The following ANO4 variants were observed in gnomAD, a reference collection of about 807,000 sequenced individuals.
The protein encoded by ANO4 is anoctamin-4.
Under a neutral mutation model 141.9 loss-of-function variants are expected in ANO4, and 69 were observed. That is an observed-to-expected ratio of 0.49 (90% CI 0.40 to 0.59). The LOEUF (loss-of-function observed/expected upper bound fraction) is 0.59, where lower values mean the gene tolerates loss of function less well. Ranked by LOEUF, ANO4 falls within the 20% of genes least tolerant of loss-of-function variation. The pLI is 0.00. For missense variants in ANO4, 894 were observed against 1,162.2 expected (o/e 0.77, Z 3.36); for synonymous variants, 350 against 394.3 (o/e 0.89, Z 1.33).
chr12:101,073,388 C>T (rs527443875), intron 14 of ANO4, among the ~76,000 whole-genome samples: 1 of 152,114 alleles, frequency 6.6e-6, no homozygotes, highest in East Asian at 1.9e-4. Flanking sequence ...CACTTGGACA[C>T]AGAGCAGGGA....
intron 18 of ANO4, 85 bp from the exon 19 acceptor site, chr12:101,096,451 C>A: frequency 9.0e-7 from 1 of 1,108,680 alleles, no homozygotes; most frequent in Non-Finnish European, 1.4e-6. Context: ...TGCGTCCCCA[C>A]CCTGTGTGTG....
At chr12:100,763,807 T>G (rs2032972189) in intron 3 of ANO4, among the ~76,000 whole-genome samples, 1 of 152,228 alleles carries the variant, frequency 6.6e-6, no homozygotes, top group Non-Finnish European at 1.5e-5. Context: ...CATGTTGGGT[T>G]TTGTGTTATG....
intron 14 of ANO4, among the ~76,000 whole-genome samples, chr12:101,056,775 A>G (rs1169275444): frequency 1.3e-5 from 2 of 151,706 alleles, no homozygotes; most frequent in Non-Finnish European, 2.9e-5. Flanking sequence ...TTAGGAACTG[A>G]GGGTTTTAAA....
Position 101,086,649 on chromosome 12 carries a change from C to T in ANO4, c.1537-11C>T, listed in dbSNP as rs765958415. 1.4e-4 allele frequency: 227 copies of T among 1,613,024 alleles called. No individual in the cohort carries two copies. The highest frequency in any genetic ancestry group is 1.1e-4 in the Non-Finnish European group (128 of 1,179,638). Reference sequence around the variant, plus strand: ...CCAAGAGGTTCACCGGGTGTCTTGTCTTCCTGCCAGATCTGCGTGGTGATT... The same window carrying T: ...CCAAGAGGTTCACCGGGTGTCTTGTTTTCCTGCCAGATCTGCGTGGTGATT... On this transcript the variant is annotated splice_polypyrimidine_tract_variant and intron_variant, in intron 16 of 27. Coordinates refer to ENST00000392977, the MANE Select transcript of ANO4 (RefSeq NM_001286615.2).
chr12:101,107,550 C>CGAAG (rs2050498523), intron 22 of ANO4, among the ~76,000 whole-genome samples: 1 of 151,520 alleles, frequency 6.6e-6, no homozygotes, highest in South Asian at 2.1e-4. Context: ...CATAGCAACA[C>CGAAG]TGCATATATG....
chr12:100,879,529 T>G (rs1375410154), intron 1 of ANO4, among the ~76,000 whole-genome samples: 1 of 152,182 alleles, frequency 6.6e-6, no homozygotes, highest in African/African-American at 2.4e-5. Flanking sequence ...CCCAGTGCAT[T>G]GTAAATGCTT....
At chr12:101,071,213 A>G (rs562661696) in intron 14 of ANO4, among the ~76,000 whole-genome samples, 1 of 151,998 alleles carries the variant, frequency 6.6e-6, no homozygotes, top group Non-Finnish European at 1.5e-5. Flanking sequence ...AGATATCTGC[A>G]CTCCTATGCT....
intron 1 of ANO4, among the ~76,000 whole-genome samples, chr12:100,831,470 C>T (rs998824740): frequency 1.3e-5 from 2 of 151,918 alleles, no homozygotes; most frequent in Admixed American, 6.6e-5. Context: ...TAACAAGTCC[C>T]GTGTAGGGTC....
chr12:100,759,940 C>T (rs567482648), intron 3 of ANO4, among the ~76,000 whole-genome samples: 1 of 152,272 alleles, frequency 6.6e-6, no homozygotes, highest in African/African-American at 2.4e-5. Context: ...ATATTTCAGA[C>T]ATGTGAAAGG....
chr12:100,900,704 A>T (rs2040555037), intron 1 of ANO4, among the ~76,000 whole-genome samples: 2 of 152,222 alleles, frequency 1.3e-5, no homozygotes, highest in Non-Finnish European at 2.9e-5. Flanking sequence ...GCAAACTATC[A>T]CAGGGACAGA....
At chr12:101,110,240 C>T (rs2050611203) in intron 22 of ANO4, among the ~76,000 whole-genome samples, 164 bp from the exon 23 acceptor site, 1 of 152,176 alleles carries the variant, frequency 6.6e-6, no homozygotes, top group African/African-American at 2.4e-5. Flanking sequence ...CAGGAAGTGC[C>T]TCTTTTTCCA....
At chr12:100,722,487 G>T (rs2030911305) in intron 1 of ANO4, among the ~76,000 whole-genome samples, 1 of 152,100 alleles carries the variant, frequency 6.6e-6, no homozygotes, top group South Asian at 2.1e-4. Context: ...CAGGTTTCTG[G>T]ACCTTGATGC....
chr12:100,831,235 G>A (rs1593454932), intron 1 of ANO4, among the ~76,000 whole-genome samples: 1 of 152,080 alleles, frequency 6.6e-6, no homozygotes, highest in African/African-American at 2.4e-5. Context: ...TGCTATTTCT[G>A]GTGGCACGTG....
At position 100,722,649 on chromosome 12, in the gene ANO4, G is replaced by T. The variant is rs927089880; in HGVS notation, c.22+5102G>T. On this transcript the variant is annotated intron_variant, in intron 1 of 29. Transcript: ENST00000644049. The stretch of plus-strand genomic sequence containing the variant: ...TGTACTGCGGTGAGTAATCCCCTCT[G>T]TGGGTTGTAAAACTCAGATGACAAG... Among the ~76,000 whole-genome samples, 2 of 152,120 alleles carry T rather than the reference G, an allele frequency of 1.3e-5. 1 individual carries two copies. Among genetic ancestry groups the T allele is most frequent in the East Asian group, 3.9e-4 (2 of 5,190 alleles).
At chr12:101,029,069 T>A (rs186172241) in intron 9 of ANO4, among the ~76,000 whole-genome samples, 1 of 152,300 alleles carries the variant, frequency 6.6e-6, no homozygotes, top group East Asian at 1.9e-4. Context: ...GAATTTTATA[T>A]CCAGCCAAAC....
chr12:100,854,859 G>A (rs1284285277), intron 1 of ANO4, among the ~76,000 whole-genome samples: 2 of 151,968 alleles, frequency 1.3e-5, no homozygotes, highest in Non-Finnish European at 2.9e-5. Flanking sequence ...AGTTTTGATA[G>A]TTGTTGTTTG....
At chr12:100,722,795 A>T (rs2030927279) in intron 1 of ANO4, among the ~76,000 whole-genome samples, 1 of 152,168 alleles carries the variant, frequency 6.6e-6, no homozygotes. Flanking sequence ...GCAGTACACC[A>T]TGTGGAAGTT....
intron 24 of ANO4, among the ~76,000 whole-genome samples, chr12:101,116,132 T>G (rs368904972): frequency 6.6e-6 from 1 of 152,276 alleles, no homozygotes; most frequent in Non-Finnish European, 1.5e-5. Flanking sequence ...GGATAAATAC[T>G]ATTTCCACTT....
chr12:101,119,145 C>T (rs1356620744), intron 25 of ANO4, among the ~76,000 whole-genome samples: 2 of 151,832 alleles, frequency 1.3e-5, no homozygotes, highest in African/African-American at 4.8e-5. Context: ...TCAAAGCTTT[C>T]CATGGTTAGG....
Sources: gnomAD v4.1 joint callset for allele counts (sites outside exome capture counted in the v4.1 genomes callset) on GRCh38, gnomAD v4.1.1 for gene constraint, MANE v1.5 for transcripts, NCBI Gene and HGNC (gene_info 2026-07-23, HGNC 2026-07-21) for gene names.